UBA7: variants seen among roughly 807,000 people sequenced by gnomAD.
UBA7 encodes ubiquitin-like modifier-activating enzyme 7.
In UBA7, 88 loss-of-function variants were observed where a neutral mutation model predicts 113.0. That is an observed-to-expected ratio of 0.78 (90% CI 0.66 to 0.93). UBA7 has a LOEUF of 0.93. UBA7 is among the 40% of genes least tolerant of loss of function. The pLI is 0.00. For missense variants in UBA7, 1,092 were observed against 1,266.4 expected (o/e 0.86, Z 2.09); for synonymous variants, 459 against 513.0 (o/e 0.89, Z 1.42).
At position 49,808,467 on chromosome 3, in the gene UBA7, G is replaced by A; in HGVS notation, c.2349C>T (p.Gly783=). The A allele has an allele frequency of 1.9e-6, 3 of 1,613,976 alleles. No homozygotes were observed. The highest frequency in any genetic ancestry group is 2.5e-6 in the Non-Finnish European group (3 of 1,179,924). ...TGTTCAGTTCCTTCTGCTGCTCAGG[G>A]CCTGTCAGGGGAGGGGATGTTGAGG... ...LELASASAEF[G]PEQQKELNKA... is the part of the protein sequence containing the mutation. The change falls in exon 19 of 24, where the codon GGC becomes GGT. Residue 783 remains glycine (G), a splice_region_variant and synonymous_variant. Transcript: ENST00000333486.
Position 49,813,464 on chromosome 3 carries a change from C to T in UBA7, c.225+15G>A. The T allele has an allele frequency of 1.2e-6, 2 of 1,612,262 alleles. No individual in the cohort carries two copies. The highest frequency in any genetic ancestry group is 1.7e-6 in the Non-Finnish European group (2 of 1,179,008). The stretch of plus-strand genomic sequence containing the variant: ...CACCTTGGTCTGGCAGCCCATAGCC[C>T]CCCAGGACACTTACCTGGGCAGCCA... On this transcript the variant is annotated intron_variant, in intron 2 of 23. Coordinates refer to ENST00000333486, the MANE Select transcript of UBA7 (RefSeq NM_003335.3).
At position 49,810,256 on chromosome 3, in the gene UBA7, C is replaced by T. The variant is rs1036587638; in HGVS notation, c.1633+7G>A. The T allele has an allele frequency of 3.7e-6, 6 of 1,613,658 alleles. 1 individual carries two copies. The Admixed American group carries it at 1.0e-4, about 27-fold the overall frequency. Reference sequence around the variant, plus strand: ...CAAGGGACTGACCTCCGAAGTCAAGCACTCACGGGCCTGGAAACTGTCCAG... The same window carrying T: ...CAAGGGACTGACCTCCGAAGTCAAGTACTCACGGGCCTGGAAACTGTCCAG... On this transcript the variant is annotated splice_region_variant and intron_variant, in intron 13 of 23. Transcript: ENST00000333486. This position sits in a 1 kb window ranked among gnomAD's most constrained non-coding sequence, Gnocchi z 5.6.
chr3:49,809,209 G>A (rs753513868), intron 17 of UBA7, 50 bp from the exon 18 acceptor site: 18 of 1,569,626 alleles, frequency 1.1e-5, no homozygotes, highest in Admixed American at 1.9e-5. Context: ...ATGGGGTGGG[G>A]GTCACTGTCC....
rs1294718548 is a variant in UBA7 at position 49,806,233 on chromosome 3, A to G, written c.2716-68T>C. The G allele has an allele frequency of 5.8e-6, 8 of 1,369,588 alleles. No individual in the cohort carries two copies. The East Asian group carries it at 2.1e-4, about 35-fold the overall frequency. The allele number at this position is 1,369,588 out of a possible 1,614,324, so 84.8% of individuals were successfully genotyped here. A position where few individuals can be genotyped will look rare whatever the true frequency, so the allele number is the denominator to read the frequency against. ...CCCAACCCCCATCCCAGTTACCAGC[A>G]GCCTTTCCTAGGGGAAGAGCTGGAC... On this transcript the variant is annotated intron_variant, in intron 21 of 23. Transcript: ENST00000333486.
chr3:49,811,847 G>T (rs1431868367), intron 8 of UBA7, 23 bp downstream of exon 8: 1 of 1,610,630 alleles, frequency 6.2e-7, no homozygotes, highest in Admixed American at 1.7e-5. Context: ...GAGGCTGGGG[G>T]TGGGAGCAAC....
chr3:49,813,710 C>T (rs1233775978), intron 1 of UBA7, 22 bp downstream of exon 1: 5 of 1,614,124 alleles, frequency 3.1e-6, no homozygotes, highest in Admixed American at 1.7e-5. Context: ...TCCCACTCTC[C>T]ACCCCCCACC....
intron 6 of UBA7, 44 bp from the exon 7 acceptor site, chr3:49,812,250 G>C: frequency 6.8e-6 from 11 of 1,612,362 alleles, no homozygotes; most frequent in Non-Finnish European, 8.5e-6. Flanking sequence ...TTGAGCCTGA[G>C]TAGTTCCCAC....
At chr3:49,811,546 C>A in intron 8 of UBA7, 91 bp from the exon 9 acceptor site, 1 of 1,506,604 alleles carries the variant, frequency 6.6e-7, no homozygotes, top group Admixed American at 2.1e-5. Flanking sequence ...CACCCTGTTC[C>A]ACAGAAGAGG....
chr3:49,810,404 C>T lies in UBA7; in HGVS notation c.1492G>A (p.Ala498Thr). ...TCTGGGTTCAGGCCCCGGGCAGCTGCTGCAGCCACCTCTGCCTTGGGTCTC... is the reference window on the plus strand; with the variant it reads ...TCTGGGTTCAGGCCCCGGGCAGCTGTTGCAGCCACCTCTGCCTTGGGTCTC... ...VGRPKAEVAA[A>T]AARGLNPDLQ... Residue 498 changes from alanine (A) to threonine (T), a missense_variant, in exon 13 of 24, where the codon GCA becomes ACA. By Grantham distance (58) the Ala-to-Thr change is moderately conservative. Around this residue, in one of 3 missense-constraint regions of UBA7, gnomAD observed 584 missense variants for 714.5 expected, o/e 0.82. Transcript: ENST00000333486. This position sits in a 1 kb window ranked among gnomAD's most constrained non-coding sequence, Gnocchi z 5.6. The T allele has an allele frequency of 6.2e-7, 1 of 1,614,136 alleles. No individual in the cohort carries two copies. The highest frequency in any genetic ancestry group is 8.5e-7 in the Non-Finnish European group (1 of 1,180,014).
Position 49,810,293 on chromosome 3 carries a change from C to T in UBA7, c.1603G>A (p.Val535Met), listed in dbSNP as rs1431999420. 6.2e-7 allele frequency: 1 copy of T among 1,614,122 alleles called. No homozygotes were observed. The highest frequency in any genetic ancestry group is 1.1e-5 in the South Asian group (1 of 91,088). Residue 535 changes from valine (V) to methionine (M), a missense_variant, in exon 13 of 24, where the codon GTG becomes ATG. Physicochemically the swap from Val to Met is conservative, Grantham distance 21. Coordinates refer to ENST00000333486, the MANE Select transcript of UBA7 (RefSeq NM_003335.3). This position sits in a 1 kb window ranked among gnomAD's most constrained non-coding sequence, Gnocchi z 5.6. ...GDNFFSRVDG[V>M]AAALDSFQAR... is the part of the protein sequence containing the mutation. ...TGGAAACTGTCCAGGGCAGCAGCCA[C>T]ACCATCCACACGGGAGAAAAAGTTA...
Position 49,811,044 on chromosome 3 carries a change from A to G in UBA7, c.1170T>C (p.Asp390=), listed in dbSNP as rs770432554. The change falls in exon 10 of 24, where the codon GAT becomes GAC. Residue 390 remains aspartate, a synonymous_variant. Transcript: ENST00000333486. ...FMPLDQWLYF[D]ALDCLPEDGE... ...CATCTTCCGGAAGACAATCGAGGGCATCAAAGTAAAGCCACTGGTCCAGAG... is the reference window on the plus strand; with the variant it reads ...CATCTTCCGGAAGACAATCGAGGGCGTCAAAGTAAAGCCACTGGTCCAGAG... The G allele has an allele frequency of 6.2e-7, 1 of 1,613,996 alleles. No individual in the cohort carries two copies. Among genetic ancestry groups the G allele is most frequent in the East Asian group, 2.2e-5 (1 of 44,888 alleles).
chr3:49,805,408 C>T lies in UBA7; in HGVS notation c.2939G>A (p.Gly980Asp), dbSNP rs770616542. Residue 980 changes from glycine to aspartate, a missense_variant, in exon 24 of 24, where the codon GGC becomes GAC. Physicochemically the swap from Gly to Asp is moderately conservative, Grantham distance 94. This residue lies in a region of UBA7 where 500 missense variants were observed against 529.3 expected (regional missense o/e 0.94). Transcript: ENST00000333486. ...CCGCTGCCCAGGAGCAGGTGCCTGG[C>T]CTGTCAGCTGCTGAACCAGTTCTGT... is the stretch of plus-strand genomic sequence containing the variant. ...RVTELVQQLT[G>D]QAPAPGQRVL... 1 of 1,612,860 alleles carries T rather than the reference C, an allele frequency of 6.2e-7. No homozygotes were observed. The highest frequency in any genetic ancestry group is 2.2e-5 in the East Asian group (1 of 44,824).
chr3:49,806,406 GGCCAGTT>G, intron 21 of UBA7: 1 of 579,486 alleles, frequency 1.7e-6, no homozygotes, highest in Non-Finnish European at 3.1e-6. Context: ...CCATCACATG[GGCCAGTT>G]GTGAGAGTGG....
Position 49,811,064 on chromosome 3 carries a change from C to A in UBA7, c.1150G>T (p.Asp384Tyr). 5 of 1,614,060 alleles carry A rather than the reference C, an allele frequency of 3.1e-6. No individual in the cohort carries two copies. Among genetic ancestry groups the A allele is most frequent in the Non-Finnish European group, 4.2e-6 (5 of 1,180,020 alleles). ...AGGGCATCAAAGTAAAGCCACTGGT[C>A]CAGAGGCATGAACTTCCTGGAGATT... Reference protein sequence around the residue: ...KAISRKFMPLDQWLYFDALDC... With the variant: ...KAISRKFMPLYQWLYFDALDC... Residue 384 changes from aspartate (D) to tyrosine (Y), a missense_variant, in exon 10 of 24, where the codon GAC becomes TAC. Physicochemically the swap from Asp to Tyr is radical, Grantham distance 160 (BLOSUM62 -3). Coordinates refer to ENST00000333486, the MANE Select transcript of UBA7 (RefSeq NM_003335.3).
In UBA7 at chr3:49,808,394, AC is replaced by A. The variant is rs2081489582; in HGVS notation, c.2421del (p.Met807IlefsTer16). The stretch of plus-strand genomic sequence containing the variant: ...GCCACTTGGGCACCCACCTTCTCAA[AC>A]ATCAGAGGCTTCAGGGGAGGGCCCA... ...WSVGPPLKPLMFEKDDDSNFH... is the reference protein window; with the variant it reads ...WSVGPPLKPLXFEKDDDSNFH... On this transcript the variant is annotated frameshift_variant, in exon 19 of 24. Coordinates refer to ENST00000333486, the MANE Select transcript of UBA7 (RefSeq NM_003335.3). LOFTEE classifies it high-confidence loss of function. 2 of 1,613,994 alleles carry A rather than the reference AC, an allele frequency of 1.2e-6. No homozygotes were observed. Among genetic ancestry groups the A allele is most frequent in the African/African-American group, 2.7e-5 (2 of 74,890 alleles).
Position 49,811,468 on chromosome 3 carries a change from C to T in UBA7, c.940-13G>A. 6.4e-7 allele frequency: 1 copy of T among 1,560,220 alleles called. No homozygotes were observed. The highest frequency in any genetic ancestry group is 8.7e-7 in the Non-Finnish European group (1 of 1,151,884). On this transcript the variant is annotated splice_polypyrimidine_tract_variant and intron_variant, in intron 8 of 23. Transcript: ENST00000333486. ...TCTCTGCATCAACCTGTTGGTAGGA[C>T]TCTGTGGGCATAGTAGCCCCAGCCT... is the stretch of plus-strand genomic sequence containing the variant.
intron 21 of UBA7, 114 bp from the exon 22 acceptor site, chr3:49,806,279 G>C (rs932518520): frequency 1.1e-6 from 1 of 889,242 alleles, no homozygotes. Context: ...CAGGAGCCAG[G>C]GGGTGGGGGG....
rs1438629357 is a variant in UBA7, at chr3:49,812,720, A to G, written c.486T>C (p.Phe162=). ...GGTCCTGCACAGTGAAGTCCTCACC[A>G]AAGTCACAGAACAACTGCCTGAGAT... The part of the protein sequence containing the change: ...RGLVGQLFCD[F]GEDFTVQDPT... The change falls in exon 5 of 24, where the codon TTT becomes TTC. Residue 162 remains phenylalanine (F), a synonymous_variant. Transcript: ENST00000333486. The G allele has an allele frequency of 6.2e-7, 1 of 1,614,086 alleles. No homozygotes were observed. The highest frequency in any genetic ancestry group is 8.5e-7 in the Non-Finnish European group (1 of 1,180,048).
intron 21 of UBA7, 110 bp from the exon 22 acceptor site, chr3:49,806,275 C>A: frequency 2.0e-6 from 2 of 987,166 alleles, no homozygotes; most frequent in Non-Finnish European, 3.0e-6. Context: ...GAAACAGGAG[C>A]CAGGGGGTGG....
Sources: allele counts gnomAD v4.1 joint callset, GRCh38; gene constraint gnomAD v4.1.1; regional missense constraint gnomAD v4.1.1; non-coding constraint Gnocchi (gnomAD v3.1); transcripts MANE v1.5; gene names NCBI Gene and HGNC (gene_info 2026-07-23, HGNC 2026-07-21).